Variants in PREX2 observed in about 807,000 individuals in gnomAD.
PREX2 encodes the protein phosphatidylinositol-3,4,5-trisphosphate dependent Rac exchange factor 2.
Under a neutral mutation model 203.2 loss-of-function variants are expected in PREX2, and 107 were observed. The ratio of observed to expected loss-of-function variants is 0.53; its 90% CI spans 0.45 to 0.62. The LOEUF is 0.62. Ranked by LOEUF, PREX2 falls within the 20% of genes least tolerant of loss-of-function variation. PREX2 has a pLI of 0.00. For synonymous variants in PREX2, 672 were observed against 663.6 expected (o/e 1.01, Z -0.19); for missense variants, 1,777 against 1,955.9 (o/e 0.91, Z 1.72).
intron 32 of PREX2, 29 bp downstream of exon 32, chr8:68,134,305 T>C (rs1413228970): frequency 6.5e-7 from 1 of 1,528,098 alleles, no homozygotes; most frequent in Admixed American, 1.7e-5. Context: ...TCCCACTGTC[T>C]GTGTCAACTG....
rs182949001 is a variant in PREX2 at position 67,981,676 on chromosome 8, T to C, written c.141+29141T>C. 9.2e-5 allele frequency among the ~76,000 whole-genome samples: 14 copies of C among 152,330 alleles called. 1 individual carries two copies. The highest frequency in any genetic ancestry group is 3.3e-4 in the Admixed American group (5 of 15,308). The stretch of plus-strand genomic sequence containing the variant: ...TACCGTGAGCTGTCAGAGTTTTACT[T>C]CAATGAACTTTAACACCACTAGAAG... On this transcript the variant is annotated intron_variant, in intron 1 of 39. Transcript: ENST00000288368.
chr8:67,991,635 T>G (rs1806612153), intron 1 of PREX2, among the ~76,000 whole-genome samples: 1 of 152,122 alleles, frequency 6.6e-6, no homozygotes, highest in African/African-American at 2.4e-5. Flanking sequence ...ATGATTCAAT[T>G]ACCTCCACCT....
chr8:67,955,901 C>G (rs1432034270), intron 1 of PREX2, among the ~76,000 whole-genome samples: 3 of 152,178 alleles, frequency 2.0e-5, no homozygotes, highest in Non-Finnish European at 4.4e-5. Context: ...TGAATTTATG[C>G]AGTCAAAAAT....
chr8:68,118,651 T>C lies in PREX2; in HGVS notation c.3421+7T>C, dbSNP rs777079889. ...AGTGATGAAATGGACTCAGGTGTGT[T>C]CGTTGGTGAAGGCCTGTGGGCTTTT... is the stretch of plus-strand genomic sequence containing the variant. On this transcript the variant is annotated splice_region_variant and intron_variant, in intron 27 of 39. Transcript: ENST00000288368. 52 of 1,606,496 alleles carry C rather than the reference T, an allele frequency of 3.2e-5. 1 individual carries two copies. The highest frequency in any genetic ancestry group is 4.1e-5 in the Non-Finnish European group (48 of 1,173,230).
chr8:68,115,002 T>C (rs1810615013), intron 25 of PREX2, among the ~76,000 whole-genome samples: 1 of 149,820 alleles, frequency 6.7e-6, no homozygotes, highest in Non-Finnish European at 1.5e-5. Context: ...GTTTTTCTTT[T>C]CTTTCTTTTC....
chr8:67,984,599 C>T (rs1398360477), intron 1 of PREX2, among the ~76,000 whole-genome samples: 1 of 152,066 alleles, frequency 6.6e-6, no homozygotes, highest in African/African-American at 2.4e-5. Context: ...CTTCAACTTC[C>T]TAGGTAGAAA....
At chr8:68,018,129 T>C (rs766566499) in intron 2 of PREX2, among the ~76,000 whole-genome samples, 19 of 151,448 alleles carry the variant, frequency 1.3e-4, no homozygotes, top group Middle Eastern at 3.2e-3. Context: ...AGTCATAGAG[T>C]TGTTTTTTTT....
chr8:67,980,258 C>T (rs1806228066), intron 1 of PREX2, among the ~76,000 whole-genome samples: 1 of 152,030 alleles, frequency 6.6e-6, no homozygotes, highest in South Asian at 2.1e-4. Context: ...TTACCATTTT[C>T]ACTGTGAGAA....
chr8:68,076,597 TACC>T (rs1563531840), intron 14 of PREX2, among the ~76,000 whole-genome samples: 1 of 151,644 alleles, frequency 6.6e-6, no homozygotes, highest in East Asian at 1.9e-4. Flanking sequence ...TTTGGTAACA[TACC>T]TAAGTGCTAA....
chr8:67,999,604 A>C (rs1389838952), intron 1 of PREX2, among the ~76,000 whole-genome samples: 1 of 152,040 alleles, frequency 6.6e-6, no homozygotes, highest in East Asian at 1.9e-4. Flanking sequence ...AGACATTTAC[A>C]CAACTCATTC....
chr8:68,181,424 T>A (rs1200374693), intron 35 of PREX2, among the ~76,000 whole-genome samples: 1 of 152,176 alleles, frequency 6.6e-6, no homozygotes, highest in African/African-American at 2.4e-5. Flanking sequence ...TGAGACTCAT[T>A]CCTGAATTGT....
chr8:68,042,401 A>G (rs1171945744), intron 7 of PREX2, among the ~76,000 whole-genome samples: 1 of 152,116 alleles, frequency 6.6e-6, no homozygotes, highest in African/African-American at 2.4e-5. Context: ...TTTAAAAAAT[A>G]GTATCATAGC....
At chr8:68,099,349 G>C (rs901373380) in intron 22 of PREX2, among the ~76,000 whole-genome samples, 81 of 151,992 alleles carry the variant, frequency 5.3e-4, no homozygotes, top group Admixed American at 2.2e-3. Flanking sequence ...ATATAGAAGT[G>C]TCCCACAGCA....
At chr8:68,189,958 C>G (rs1812259871) in intron 35 of PREX2, among the ~76,000 whole-genome samples, 1 of 152,180 alleles carries the variant, frequency 6.6e-6, no homozygotes, top group South Asian at 2.1e-4. Context: ...AGAGCTAAAG[C>G]ATTCATAATT....
chr8:68,224,154 G>A (rs999128407), intron 38 of PREX2, among the ~76,000 whole-genome samples: 1 of 152,016 alleles, frequency 6.6e-6, no homozygotes, highest in Non-Finnish European at 1.5e-5. Flanking sequence ...GAGTAGCTGG[G>A]ACCACAATTG....
intron 31 of PREX2, among the ~76,000 whole-genome samples, chr8:68,131,570 A>G (rs1472646250): frequency 1.2e-5 from 1 of 84,470 alleles, no homozygotes; most frequent in African/African-American, 4.3e-5. Context: ...GCACACTGAA[A>G]AGTTGACGTT....
At chr8:68,064,720 A>G (rs959732414) in intron 11 of PREX2, among the ~76,000 whole-genome samples, 5 of 151,982 alleles carry the variant, frequency 3.3e-5, no homozygotes, top group African/African-American at 1.2e-4. Flanking sequence ...ATTATTTTAC[A>G]ATGTTTTACT....
At chr8:68,195,288 T>A (rs927715895) in intron 37 of PREX2, among the ~76,000 whole-genome samples, 1 of 152,216 alleles carries the variant, frequency 6.6e-6, no homozygotes, top group African/African-American at 2.4e-5. Context: ...GACATTGACA[T>A]TTTAAAATAC....
At chr8:68,056,072 T>C (rs933860052) in intron 10 of PREX2, 98 bp downstream of exon 10, 7 of 1,281,784 alleles carry the variant, frequency 5.5e-6, no homozygotes, top group Non-Finnish European at 4.3e-6. Context: ...AATATTCCCT[T>C]AGGCACTTTT....
Sources: gnomAD v4.1 joint callset for allele counts (sites outside exome capture counted in the v4.1 genomes callset) on GRCh38, gnomAD v4.1.1 for gene constraint, MANE v1.5 for transcripts, NCBI Gene and HGNC (gene_info 2026-07-23, HGNC 2026-07-21) for gene names.